Variants in TMEM45A observed in about 807,000 individuals in gnomAD.
TMEM45A encodes DNA polymerase-transactivated protein 4.
TMEM45A carries 25 observed loss-of-function variants against 32.0 expected under a neutral mutation model. The ratio of observed to expected loss-of-function variants is 0.78; its 90% CI spans 0.57 to 1.09. TMEM45A has a LOEUF of 1.09. Ranked by LOEUF, TMEM45A falls within the 50% of genes least tolerant of loss-of-function variation. The pLI is 0.00. For missense variants in TMEM45A, 302 were observed against 325.0 expected (o/e 0.93, Z 0.54); for synonymous variants, 122 against 114.8 (o/e 1.06, Z -0.40).
chr3:100,568,869 G>T lies in TMEM45A; in HGVS notation c.636G>T (p.Leu212=). The change falls in exon 5 of 6, where the codon CTG becomes CTT. Residue 212 remains leucine, a synonymous_variant. Transcript: ENST00000323523. ...CCAGTGGAGGTCCTGCATGGGATCT[G>T]ATGGATCATGAAAATATTTTGTTTC... is the stretch of plus-strand genomic sequence containing the variant. ...YPPSGGPAWD[L]MDHENILFLT... 1.2e-6 allele frequency: 2 copies of T among 1,613,860 alleles called. No homozygotes were observed. Among genetic ancestry groups the T allele is most frequent in the Non-Finnish European group, 8.5e-7 (1 of 1,179,812 alleles).
At chr3:100,537,640 GGAAGAGGAGTAAA>G (rs1225109372) in intron 1 of TMEM45A, among the ~76,000 whole-genome samples, 2 of 152,224 alleles carry the variant, frequency 1.3e-5, no homozygotes, top group Non-Finnish European at 2.9e-5. Context: ...CAGGATGACA[GGAAGAGGAGTAAA>G]GAAGAGGCAA....
chr3:100,555,147 T>C, intron 1 of TMEM45A, 62 bp from the exon 2 acceptor site: 1 of 1,392,826 alleles, frequency 7.2e-7, no homozygotes, highest in Non-Finnish European at 9.9e-7. Flanking sequence ...AAACAAGTGA[T>C]GTTTTGTCCA....
At chr3:100,511,181 C>T (rs1708154358) in intron 1 of TMEM45A, among the ~76,000 whole-genome samples, 1 of 151,870 alleles carries the variant, frequency 6.6e-6, no homozygotes, top group South Asian at 2.1e-4. Flanking sequence ...TCAGATTCAC[C>T]AAAGTTGAAA....
rs143958966 is a variant in TMEM45A at position 100,557,582 on chromosome 3, C to T, written c.403+610C>T. 3.9e-3 allele frequency among the ~76,000 whole-genome samples: 584 copies of T among 150,906 alleles called. 5 individuals carry two copies. The highest frequency in any genetic ancestry group is 5.8e-3 in the Non-Finnish European group (395 of 67,798). On this transcript the variant is annotated intron_variant, in intron 3 of 5. Coordinates refer to ENST00000323523, the MANE Select transcript of TMEM45A (RefSeq NM_018004.3). ...TTTTTTTTTTTTCATGTATTACACACGTAAAAAATAGATTGATTATGGAAA... is the reference window on the plus strand; with the variant it reads ...TTTTTTTTTTTTCATGTATTACACATGTAAAAAATAGATTGATTATGGAAA...
At chr3:100,548,367 T>A (rs1706021373) in intron 1 of TMEM45A, among the ~76,000 whole-genome samples, 1 of 152,216 alleles carries the variant, frequency 6.6e-6, no homozygotes, top group South Asian at 2.1e-4. Flanking sequence ...CTTGGCACTA[T>A]CATCTGCAAA....
chr3:100,553,478 T>C (rs11715555), intron 1 of TMEM45A, among the ~76,000 whole-genome samples: 55,124 of 151,996 alleles, frequency 0.36, 10,816 homozygotes, highest in Middle Eastern at 0.47. Context: ...TAAGACTTCT[T>C]AAACCAAATA....
intron 1 of TMEM45A, among the ~76,000 whole-genome samples, chr3:100,502,175 G>T (rs1389803833): frequency 6.7e-6 from 1 of 149,978 alleles, no homozygotes; most frequent in African/African-American, 2.5e-5. Context: ...AAAAGAAAAA[G>T]TTCCAGATCT....
chr3:100,516,378 A>G (rs923378530), intron 1 of TMEM45A, among the ~76,000 whole-genome samples: 1 of 152,186 alleles, frequency 6.6e-6, no homozygotes, highest in Non-Finnish European at 1.5e-5. Flanking sequence ...TAATGAGTAA[A>G]AGAGGTGGGG....
intron 1 of TMEM45A, among the ~76,000 whole-genome samples, chr3:100,518,172 A>G (rs1289835446): frequency 3.9e-5 from 6 of 152,060 alleles, no homozygotes; most frequent in African/African-American, 1.2e-4. Context: ...TGAAAGATTC[A>G]TTTTGCTTCT....
intron 1 of TMEM45A, among the ~76,000 whole-genome samples, chr3:100,522,464 G>A (rs540825793): frequency 4.6e-5 from 7 of 152,204 alleles, no homozygotes; most frequent in African/African-American, 7.2e-5. Context: ...GCCTTGGCTC[G>A]GACTCACATT....
rs1311856872 is a variant in TMEM45A, at chr3:100,557,790, CTT to C, written c.404-613_404-612del. On this transcript the variant is annotated intron_variant, in intron 3 of 5. Transcript: ENST00000323523. ...CCGTATTTTTGTATCAATCTTTTCT[CTT>C]TGTCTTCATGAAAAAGATGAAGCTG... Among the ~76,000 whole-genome samples, 12 of 152,268 alleles carry C rather than the reference CTT, an allele frequency of 7.9e-5. No homozygotes were observed. In the East Asian group the frequency reaches 2.1e-3, roughly 27 times the overall value.
chr3:100,513,462 G>T (rs1299936274), intron 1 of TMEM45A, among the ~76,000 whole-genome samples: 1 of 149,598 alleles, frequency 6.7e-6, no homozygotes, highest in African/African-American at 2.5e-5. Flanking sequence ...ATTAGGTATT[G>T]ATGGGACGTA....
chr3:100,501,836 C>A (rs7430715), intron 1 of TMEM45A, among the ~76,000 whole-genome samples: 30,989 of 152,108 alleles, frequency 0.2, 3,415 homozygotes, highest in East Asian at 0.33. Flanking sequence ...CATGAGTCAA[C>A]AACTAGGGTT....
intron 1 of TMEM45A, among the ~76,000 whole-genome samples, chr3:100,541,953 A>G (rs1705889795): frequency 7.6e-6 from 1 of 131,866 alleles, no homozygotes; most frequent in Admixed American, 7.8e-5. Context: ...CAAAGATTAG[A>G]TGACTGTACA....
At chr3:100,538,051 G>A (rs1002078380) in intron 1 of TMEM45A, among the ~76,000 whole-genome samples, 2 of 152,170 alleles carry the variant, frequency 1.3e-5, no homozygotes, top group African/African-American at 4.8e-5. Context: ...ATTCAAGATT[G>A]CTATAAGGAA....
intron 1 of TMEM45A, among the ~76,000 whole-genome samples, chr3:100,541,562 T>C (rs1412460312): frequency 1.3e-4 from 18 of 139,198 alleles, no homozygotes; most frequent in African/African-American, 4.5e-4. Context: ...AGGGTCTCAC[T>C]CCTGTCACCC....
intron 2 of TMEM45A, 128 bp from the exon 3 acceptor site, chr3:100,556,632 A>C: frequency 1.1e-6 from 1 of 898,436 alleles, no homozygotes; most frequent in South Asian, 1.6e-5. Flanking sequence ...GTTAGGGAAC[A>C]GCTCAGAGAG....
chr3:100,551,427 A>C (rs895240698), intron 1 of TMEM45A, among the ~76,000 whole-genome samples: 1 of 152,078 alleles, frequency 6.6e-6, no homozygotes, highest in African/African-American at 2.4e-5. Flanking sequence ...GGCTGCTTGC[A>C]TGTTCTCTTT....
At chr3:100,499,631 C>T (rs946344213) in intron 1 of TMEM45A, among the ~76,000 whole-genome samples, 3 of 152,302 alleles carry the variant, frequency 2.0e-5, no homozygotes, top group South Asian at 2.1e-4. Context: ...AATCCCAGCA[C>T]TTTGGGAGGC....
Sources: allele counts gnomAD v4.1 joint callset (sites outside exome capture counted in the v4.1 genomes callset), GRCh38; gene constraint gnomAD v4.1.1; transcripts MANE v1.5; gene names NCBI Gene and HGNC (gene_info 2026-07-23, HGNC 2026-07-21).